The following INPP4A variants were observed in gnomAD, a reference collection of about 807,000 sequenced individuals.
INPP4A encodes the protein inositol polyphosphate-4-phosphatase, type I, 107kD.
In INPP4A, 33 loss-of-function variants were observed where a neutral mutation model predicts 119.8. That is an observed-to-expected ratio of 0.28 (90% CI 0.21 to 0.37). The LOEUF (loss-of-function observed/expected upper bound fraction) is 0.37. Among genes scored for constraint, INPP4A ranks in the 10% least tolerant of loss-of-function variants. The probability of loss-of-function intolerance (pLI) is 1.00; values close to 1 mark genes in which losing one functional copy is unlikely to be tolerated. For missense variants in INPP4A, 956 were observed against 1,289.9 expected (o/e 0.74, Z 3.97); for synonymous variants, 496 against 500.7 (o/e 0.99, Z 0.12).
chr2:98,479,328 C>T (rs1677925559), intron 1 of INPP4A, among the ~76,000 whole-genome samples: 2 of 152,116 alleles, frequency 1.3e-5, no homozygotes, highest in South Asian at 2.1e-4. Flanking sequence ...GTGTGTGCTT[C>T]GTGAGATATC....
In INPP4A at chr2:98,554,039, C is replaced by T. The variant is rs1407185850; in HGVS notation, c.1348-232C>T. ...GAGAATGTCAGAGATTTCTCAACCT[C>T]TTCTCTTCCTTGGTGGGAAATTCTT... On this transcript the variant is annotated intron_variant, in intron 14 of 24. Coordinates refer to ENST00000409851, the MANE Select transcript of INPP4A (RefSeq NM_001134225.2). This position sits in a 1 kb window ranked among gnomAD's most constrained non-coding sequence, Gnocchi z 4.7. Among the ~76,000 whole-genome samples the T allele has an allele frequency of 1.3e-5, 2 of 152,262 alleles. No homozygotes were observed. Among genetic ancestry groups the T allele is most frequent in the Admixed American group, 6.5e-5 (1 of 15,290 alleles).
chr2:98,545,967 A>G lies in INPP4A; in HGVS notation c.950-2A>G, dbSNP rs1416263154. ...TTTATCTTCTCCTATTCCATTTCTT[A>G]GGGCCCTCGTTTAAAGCAAGCAGTT... On this transcript the variant is annotated splice_acceptor_variant, in intron 11 of 24. Transcript: ENST00000409851. LOFTEE classifies it high-confidence loss of function. 1 of 1,576,310 alleles carries G rather than the reference A, an allele frequency of 6.3e-7. No homozygotes were observed. Among genetic ancestry groups the G allele is most frequent in the Non-Finnish European group, 8.6e-7 (1 of 1,157,924 alleles).
At chr2:98,525,143 G>A (rs1314964773) in intron 4 of INPP4A, among the ~76,000 whole-genome samples, 1 of 152,104 alleles carries the variant, frequency 6.6e-6, no homozygotes, top group African/African-American at 2.4e-5. Context: ...TAAATTTTAG[G>A]ACTCCATTTT....
intron 24 of INPP4A, among the ~76,000 whole-genome samples, chr2:98,586,145 G>A (rs968903486): frequency 6.6e-6 from 1 of 152,214 alleles, no homozygotes; most frequent in Non-Finnish European, 1.5e-5. Flanking sequence ...TCTAGCTGAG[G>A]CCTTGAGGCT....
In INPP4A at chr2:98,588,326, C is replaced by T. The variant is rs369098044; in HGVS notation, c.*718C>T. 4.5e-4 allele frequency: 91 copies of T among 201,648 alleles called. 2 individuals are homozygous for T. The South Asian group carries it at 0.016, about 35-fold the overall frequency. The allele number at this position is 201,648 out of a possible 1,614,324, so 12.5% of individuals were successfully genotyped here. A position where few individuals can be genotyped will look rare whatever the true frequency, so the allele number is the denominator to read the frequency against. On this transcript the variant is annotated 3_prime_UTR_variant, in exon 25 of 25. Transcript: ENST00000409851. ...AGACACAAAGCCAGCAGTAAGGTCC[C>T]TTTAGCCTGTCTCCTGTTCTCTGAA...
intron 23 of INPP4A, among the ~76,000 whole-genome samples, chr2:98,574,740 G>A (rs1698132742): frequency 6.6e-6 from 1 of 152,144 alleles, no homozygotes; most frequent in Non-Finnish European, 1.5e-5. Context: ...TACACACACA[G>A]GCAGTTTACA....
chr2:98,577,248 C>A, intron 24 of INPP4A, 105 bp downstream of exon 24: 1 of 1,197,904 alleles, frequency 8.3e-7, no homozygotes, highest in Non-Finnish European at 1.1e-6. Flanking sequence ...TGCATGAGCC[C>A]CTTGACTCCA....
At chr2:98,481,712 C>G (rs1490781124) in intron 1 of INPP4A, among the ~76,000 whole-genome samples, 1 of 152,184 alleles carries the variant, frequency 6.6e-6, no homozygotes, top group Non-Finnish European at 1.5e-5. Flanking sequence ...TGCTTGTCCT[C>G]CCTGTGGAAT....
At chr2:98,541,318 C>T (rs1239343611) in intron 10 of INPP4A, among the ~76,000 whole-genome samples, 1 of 149,606 alleles carries the variant, frequency 6.7e-6, no homozygotes, top group Non-Finnish European at 1.5e-5. Context: ...CAGAGCGAGA[C>T]TCCGTCTCAA....
chr2:98,452,347 G>A (rs1367718431), intron 1 of INPP4A, among the ~76,000 whole-genome samples: 1 of 152,162 alleles, frequency 6.6e-6, no homozygotes, highest in Non-Finnish European at 1.5e-5. Flanking sequence ...GGAGATTAGT[G>A]GATCCTACCC....
At position 98,520,044 on chromosome 2, in the gene INPP4A, A is replaced by C; in HGVS notation, c.-5A>C. 6.4e-7 allele frequency: 1 copy of C among 1,574,644 alleles called. No individual in the cohort carries two copies. The highest frequency in any genetic ancestry group is 1.2e-5 in the South Asian group (1 of 85,954). On this transcript the variant is annotated 5_prime_UTR_variant, in exon 3 of 25. The change abolishes the stop of an existing upstream ORF in the 5' untranslated region. Coordinates refer to ENST00000409851, the MANE Select transcript of INPP4A (RefSeq NM_001134225.2). ...ATCAAGAAGCACATCATCACCAATG[A>C]CATCATGACAGCAAGAGAGCACAGC...
At chr2:98,542,980 T>C (rs1320689816) in intron 10 of INPP4A, among the ~76,000 whole-genome samples, 3 of 151,602 alleles carry the variant, frequency 2.0e-5, no homozygotes, top group South Asian at 2.1e-4. Flanking sequence ...AGTGCAGTGG[T>C]GCGATCCTGG....
intron 1 of INPP4A, among the ~76,000 whole-genome samples, chr2:98,476,010 A>C (rs1677131634): frequency 6.6e-6 from 1 of 152,242 alleles, no homozygotes; most frequent in Non-Finnish European, 1.5e-5. Context: ...TACTGAAATC[A>C]ACTCCAAATA....
At chr2:98,519,856 G>C in intron 2 of INPP4A, 90 bp from the exon 3 acceptor site, 1 of 576,856 alleles carries the variant, frequency 1.7e-6, no homozygotes, top group Non-Finnish European at 3.2e-6. Flanking sequence ...ACTGTACCTC[G>C]CCCCCGGTAG....
At chr2:98,556,671 T>C (rs1694549082) in intron 16 of INPP4A, among the ~76,000 whole-genome samples, 1 of 152,240 alleles carries the variant, frequency 6.6e-6, no homozygotes, top group South Asian at 2.1e-4. Flanking sequence ...TTAAGCTTCA[T>C]GTGATGAGGG....
intron 2 of INPP4A, chr2:98,519,360 C>T (rs1686741359): frequency 6.6e-6 from 1 of 152,284 alleles, no homozygotes. Context: ...AGAGCCCTCC[C>T]TTTCCATAGC....
At chr2:98,587,291 T>C (rs533414574) in intron 24 of INPP4A, among the ~76,000 whole-genome samples, 185 bp from the exon 25 acceptor site, 1 of 152,352 alleles carries the variant, frequency 6.6e-6, no homozygotes, top group African/African-American at 2.4e-5. Flanking sequence ...TCTCTGTGCT[T>C]CTTAATTGCC....
Position 98,543,956 on chromosome 2 carries a change from A to G in INPP4A, c.898A>G (p.Thr300Ala). The change falls in exon 11 of 25, where the codon ACC (threonine) becomes GCC (alanine). Residue 300 changes from threonine to alanine, a missense_variant. Physicochemically the swap from Thr to Ala is moderately conservative, Grantham distance 58. Coordinates refer to ENST00000409851, the MANE Select transcript of INPP4A (RefSeq NM_001134225.2). ...LRRQIVTQYQ[T>A]IILTYQENLT... ...GCGCCAAATTGTCACCCAGTACCAG[A>G]CCATCATCCTCACATACCAGGAGAA... 6.3e-7 allele frequency: 1 copy of G among 1,595,790 alleles called. No individual in the cohort carries two copies. Among genetic ancestry groups the G allele is most frequent in the Non-Finnish European group, 8.5e-7 (1 of 1,170,558 alleles).
At chr2:98,567,159 T>G (rs868607581) in intron 21 of INPP4A, among the ~76,000 whole-genome samples, 1 of 151,808 alleles carries the variant, frequency 6.6e-6, no homozygotes, top group African/African-American at 2.4e-5. Flanking sequence ...GGGACAAGTG[T>G]GAGGAGGAGG....
Sources: allele counts gnomAD v4.1 joint callset (sites outside exome capture counted in the v4.1 genomes callset), GRCh38; gene constraint gnomAD v4.1.1; non-coding constraint Gnocchi (gnomAD v3.1); transcripts MANE v1.5; gene names NCBI Gene and HGNC (gene_info 2026-07-23, HGNC 2026-07-21).